IWS1: variants seen among roughly 807,000 people sequenced by gnomAD.
IWS1 encodes the protein protein IWS1 homolog.
In IWS1, 27 loss-of-function variants were observed where a neutral mutation model predicts 86.7. The observed-to-expected ratio is 0.31, with a 90% CI of 0.23 to 0.43. The LOEUF is 0.43. Ranked by LOEUF, IWS1 falls within the 20% of genes least tolerant of loss-of-function variation. IWS1 has a pLI of 1.00. For synonymous variants in IWS1, 313 were observed against 335.1 expected (o/e 0.93, Z 0.72); for missense variants, 827 against 1,000.8 (o/e 0.83, Z 2.34).
chr2:127,504,635 T>C (rs769565477), intron 3 of IWS1, 49 bp downstream of exon 3: 8 of 1,299,408 alleles, frequency 6.2e-6, no homozygotes, highest in Non-Finnish European at 8.6e-6. Flanking sequence ...AGTTACAAGC[T>C]TAGACAATGA....
Position 127,504,943 on chromosome 2 carries a change from C to A in IWS1, c.960G>T (p.Ala320=), listed in dbSNP as rs757222762. ...ACTCTGGCTTCTGTTTGTGTCTGGA[C>A]GCATCCTCAGTTTCTGAGTCACTGG... ...GPASDSETED[A]SRHKQKPESD... The change falls in exon 3 of 14, where the codon GCG becomes GCT. Residue 320 remains alanine (A), a synonymous_variant. Coordinates refer to ENST00000295321, the MANE Select transcript of IWS1 (RefSeq NM_017969.3). 12 of 1,614,164 alleles carry A rather than the reference C, an allele frequency of 7.4e-6. No individual in the cohort carries two copies. The East Asian group carries it at 2.7e-4, about 36-fold the overall frequency.
At position 127,490,016 on chromosome 2, in the gene IWS1, AGT is replaced by A. The variant is rs759164262; in HGVS notation, c.2048-75_2048-74del. The A allele has an allele frequency of 3.7e-6, 3 of 800,038 alleles. No individual in the cohort carries two copies. The African/African-American group carries it at 5.1e-5, about 14-fold the overall frequency. 49.6% of individuals were successfully genotyped at this position (800,038 alleles called of 1,614,324 possible). A position where few individuals can be genotyped will look rare whatever the true frequency, so the allele number is the denominator to read the frequency against. On this transcript the variant is annotated intron_variant, in intron 10 of 13. Transcript: ENST00000295321. ...CATTTTTTTCAAATAATTGCACCCC[AGT>A]GTGAGGGGATATTCTAGACATTTAG...
Position 127,492,316 on chromosome 2 carries a change from G to A in IWS1, c.1930-228C>T, listed in dbSNP as rs10172132. 4.7e-3 allele frequency among the ~76,000 whole-genome samples: 710 copies of A among 152,128 alleles called. 4 individuals are homozygous for A. Among genetic ancestry groups the A allele is most frequent in the African/African-American group, 0.014 (566 of 41,508 alleles). On this transcript the variant is annotated intron_variant, in intron 9 of 13. Coordinates refer to ENST00000295321, the MANE Select transcript of IWS1 (RefSeq NM_017969.3). ...TCCCAGCACTTTGGGAGGCTGAGGCGGGTGGATCACCTGAGGTCAAGAGTT... is the reference window on the plus strand; with the variant it reads ...TCCCAGCACTTTGGGAGGCTGAGGCAGGTGGATCACCTGAGGTCAAGAGTT...
rs928897913 is a variant in IWS1 at position 127,489,744 on chromosome 2, T to C, written c.2159+88A>G. 6 of 776,114 alleles carry C rather than the reference T, an allele frequency of 7.7e-6. No homozygotes were observed. Among genetic ancestry groups the C allele is most frequent in the Non-Finnish European group, 1.4e-5 (6 of 431,200 alleles). The allele number at this position is 776,114 out of a possible 1,614,324, so 48.1% of individuals were successfully genotyped here. On this transcript the variant is annotated intron_variant, in intron 11 of 13. Transcript: ENST00000295321. This position sits in a 1 kb window ranked among gnomAD's most constrained non-coding sequence, Gnocchi z 4.8. The stretch of plus-strand genomic sequence containing the variant: ...GCTGAGAGGAAAGGAAATCCTATCA[T>C]CTTGCAGGCTTCCTAATGATCTTAC...
rs771097150 is a variant in IWS1 at position 127,493,358 on chromosome 2, CTTT to C, written c.1849_1851del (p.Lys617del). ...CTATCTGGTAGAGGTGAGAGCCATT[CTTT>C]GATGGCAGACATCACACCACTGTCA... On this transcript the variant is annotated inframe_deletion, in exon 9 of 14. Coordinates refer to ENST00000295321, the MANE Select transcript of IWS1 (RefSeq NM_017969.3). The C allele has an allele frequency of 6.2e-7, 1 of 1,613,476 alleles. No individual in the cohort carries two copies.
At chr2:127,502,085 C>T (rs933668501) in intron 5 of IWS1, among the ~76,000 whole-genome samples, 1 of 152,150 alleles carries the variant, frequency 6.6e-6, no homozygotes, top group Non-Finnish European at 1.5e-5. Flanking sequence ...ATAATAAGTA[C>T]ATATGAAAAA....
At chr2:127,526,975 G>A (rs576491159), upstream of IWS1, 8 of 240,110 alleles carry the variant, frequency 3.3e-5, no homozygotes, top group East Asian at 8.7e-4. Context: ...TCTAAACAAC[G>A]ATTTAATTTC....
intron 2 of IWS1, among the ~76,000 whole-genome samples, chr2:127,508,125 T>C (rs1282667933): frequency 1.3e-5 from 2 of 152,102 alleles, no homozygotes; most frequent in Non-Finnish European, 2.9e-5. Flanking sequence ...GGGAATAACA[T>C]AAGGTGAGGA....
intron 2 of IWS1, among the ~76,000 whole-genome samples, chr2:127,518,061 G>A (rs1691871128): frequency 6.6e-6 from 1 of 152,188 alleles, no homozygotes; most frequent in Non-Finnish European, 1.5e-5. Context: ...TGTGGGGTGG[G>A]GAGGGGTAGG....
intron 5 of IWS1, among the ~76,000 whole-genome samples, chr2:127,501,571 T>C (rs1239624033): frequency 2.0e-5 from 3 of 152,194 alleles, no homozygotes; most frequent in Non-Finnish European, 4.4e-5. Flanking sequence ...ATGTATAGTC[T>C]ATATCTTTTC....
At position 127,523,799 on chromosome 2, in the gene IWS1, A is replaced by C; in HGVS notation, c.35-8T>G. On this transcript the variant is annotated splice_region_variant and splice_polypyrimidine_tract_variant and intron_variant, in intron 1 of 13. Transcript: ENST00000295321. ...GGGTAGCACCACCATCATCTGATTA[A>C]AAACAAAACAAAAACCAACTTATGG... is the stretch of plus-strand genomic sequence containing the variant. 6.3e-7 allele frequency: 1 copy of C among 1,589,604 alleles called. No individual in the cohort carries two copies.
chr2:127,501,747 CCTCA>C (rs755240056), intron 5 of IWS1: 2 of 125,490 alleles, frequency 1.6e-5, no homozygotes, highest in African/African-American at 6.0e-5. Context: ...TCAAACAGGG[CCTCA>C]CTATTTTACC....
rs904964050 is a variant in IWS1, at chr2:127,496,209, CACA to C, written c.1566-64_1566-62del. ...TGTCTTTTAAATACACATTTACTTTCACAACAATTAAGAACACCAAATTTCTTA... is the reference window on the plus strand; with the variant it reads ...TGTCTTTTAAATACACATTTACTTTCACAATTAAGAACACCAAATTTCTTA... On this transcript the variant is annotated intron_variant, in intron 6 of 13. Transcript: ENST00000295321. The C allele has an allele frequency of 7.8e-6, 12 of 1,532,800 alleles. No individual in the cohort carries two copies. In the African/African-American group the frequency reaches 1.5e-4, roughly 20 times the overall value. The allele number at this position is 1,532,800 out of a possible 1,614,324, so 94.9% of individuals were successfully genotyped here.
At chr2:127,521,671 C>A (rs1021854034) in intron 2 of IWS1, among the ~76,000 whole-genome samples, 16 of 152,088 alleles carry the variant, frequency 1.1e-4, no homozygotes, top group Non-Finnish European at 1.5e-5. Flanking sequence ...TTACTGAATA[C>A]AGTGAAAAAA....
chr2:127,513,213 C>T lies in IWS1; in HGVS notation c.151-7461G>A, dbSNP rs190780482. 2.8e-3 allele frequency among the ~76,000 whole-genome samples: 430 copies of T among 152,182 alleles called. 1 individual carries two copies. The highest frequency in any genetic ancestry group is 4.3e-3 in the Non-Finnish European group (291 of 68,014). On this transcript the variant is annotated intron_variant, in intron 2 of 13. Coordinates refer to ENST00000295321, the MANE Select transcript of IWS1 (RefSeq NM_017969.3). ...CCAAGATCACACCACTGCATTCCAG[C>T]CTGGGTGACAGAGTGAGACTGTGTC...
At chr2:127,495,383 T>G (rs1690462010) in intron 7 of IWS1, among the ~76,000 whole-genome samples, 1 of 152,228 alleles carries the variant, frequency 6.6e-6, no homozygotes, top group South Asian at 2.1e-4. Context: ...TTTTAAATTA[T>G]GAAAAATTTC....
rs13430591 is a variant in IWS1 at position 127,526,061 on chromosome 2, C to G, written c.34+114G>C. The G allele has an allele frequency of 1.0e-4, 103 of 1,009,538 alleles. No individual in the cohort carries two copies. The East Asian group carries it at 1.0e-3, about 10-fold the overall frequency. The allele number at this position is 1,009,538 out of a possible 1,614,324, so 62.5% of individuals were successfully genotyped here. On this transcript the variant is annotated intron_variant, in intron 1 of 13. Coordinates refer to ENST00000295321, the MANE Select transcript of IWS1 (RefSeq NM_017969.3). ...GGCTCTTGCCCTCCTCGGGCCGGGTCGCGGGAGGGAAGGTTTCGGGGGGCC... is the reference window on the plus strand; with the variant it reads ...GGCTCTTGCCCTCCTCGGGCCGGGTGGCGGGAGGGAAGGTTTCGGGGGGCC...
chr2:127,498,316 A>C (rs974018522), intron 5 of IWS1, 79 bp from the exon 6 acceptor site: 17 of 1,388,836 alleles, frequency 1.2e-5, no homozygotes, highest in Admixed American at 2.4e-5. Flanking sequence ...TTTTTAAAGT[A>C]ATTCATTCAC....
At position 127,494,970 on chromosome 2, in the gene IWS1, AT is replaced by A. The variant is rs1558747297; in HGVS notation, c.1717-17del. 18 of 1,521,188 alleles carry A rather than the reference AT, an allele frequency of 1.2e-5. No individual in the cohort carries two copies. Among genetic ancestry groups the A allele is most frequent in the Admixed American group, 2.0e-5 (1 of 50,946 alleles). 94.2% of individuals were successfully genotyped at this position (1,521,188 alleles called of 1,614,324 possible). ...GTCTGTCTTCCTATTCAGAAAAAAA[AT>A]AAAGATTTTTTTTTAAAACAGTACT... On this transcript the variant is annotated splice_polypyrimidine_tract_variant and intron_variant, in intron 7 of 13. Coordinates refer to ENST00000295321, the MANE Select transcript of IWS1 (RefSeq NM_017969.3).
Sources: gnomAD v4.1 joint callset for allele counts (sites outside exome capture counted in the v4.1 genomes callset) on GRCh38, gnomAD v4.1.1 for gene constraint, Gnocchi (gnomAD v3.1) non-coding constraint, MANE v1.5 for transcripts, NCBI Gene and HGNC (gene_info 2026-07-23, HGNC 2026-07-21) for gene names.